The following BACH1 variants were observed in gnomAD, a reference collection of about 807,000 sequenced individuals.
The protein encoded by BACH1 is transcription regulator protein BACH1.
In BACH1, 35 loss-of-function variants were observed where a neutral mutation model predicts 52.9. The observed-to-expected ratio is 0.66, with a 90% CI of 0.51 to 0.88. BACH1 has a LOEUF of 0.88. Among genes scored for constraint, BACH1 ranks in the 40% least tolerant of loss-of-function variants. The pLI is 0.00. For synonymous variants in BACH1, 321 were observed against 319.6 expected (o/e 1.00, Z -0.05); for missense variants, 808 against 872.6 (o/e 0.93, Z 0.93).
downstream of BACH1, among the ~76,000 whole-genome samples, chr21:29,347,194 C>G (rs938910420): frequency 3.3e-5 from 5 of 152,184 alleles, no homozygotes. Flanking sequence ...TGGAACCCAG[C>G]TTGGAACCAT....
In BACH1 at chr21:29,327,052, A is replaced by G. The variant is rs757547391; in HGVS notation, c.1228A>G (p.Thr410Ala). 13 of 1,613,982 alleles carry G rather than the reference A, an allele frequency of 8.1e-6. No individual in the cohort carries two copies. Among genetic ancestry groups the G allele is most frequent in the Non-Finnish European group, 8.5e-7 (1 of 1,180,034 alleles). Residue 410 changes from threonine (T) to alanine (A), a missense_variant, in exon 3 of 5, where the codon ACT becomes GCT. Physicochemically the swap from Thr to Ala is moderately conservative, Grantham distance 58. Coordinates refer to ENST00000286800, the MANE Select transcript of BACH1 (RefSeq NM_001186.4). The part of the protein sequence containing the change: ...GFWSDICSTD[T>A]PCQMQLSPAV... ...CTGGAGTGACATTTGCAGCACGGAC[A>G]CTCCTTGCCAAATGCAGTTATCACC...
intron 1 of BACH1, among the ~76,000 whole-genome samples, chr21:29,311,033 A>G (rs116359281): frequency 0.02 from 3,030 of 152,314 alleles, 85 homozygotes; most frequent in African/African-American, 0.069. Flanking sequence ...TGGAAGTTCA[A>G]TAGATTTCAT....
At chr21:29,320,172 A>G (rs1335714378) in intron 1 of BACH1, among the ~76,000 whole-genome samples, 1 of 152,174 alleles carries the variant, frequency 6.6e-6, no homozygotes, top group Non-Finnish European at 1.5e-5. Context: ...GACCATTTGA[A>G]GGCTTCCCAT....
At chr21:29,329,464 G>A in intron 3 of BACH1, 23 bp from the exon 4 acceptor site, 1 of 1,462,384 alleles carries the variant, frequency 6.8e-7, no homozygotes, top group Non-Finnish European at 9.2e-7. Context: ...GCAATAATTA[G>A]TAATATTTAT....
At chr21:29,303,743 T>C (rs578238397) in intron 1 of BACH1, among the ~76,000 whole-genome samples, 1 of 152,384 alleles carries the variant, frequency 6.6e-6, no homozygotes, top group South Asian at 2.1e-4. Context: ...AAATGTCTTA[T>C]ATGTCTAATA....
At chr21:29,330,459 G>A (rs2088967697) in intron 4 of BACH1, among the ~76,000 whole-genome samples, 1 of 152,168 alleles carries the variant, frequency 6.6e-6, no homozygotes. Flanking sequence ...TCAGGCATGA[G>A]CCACCGTGCC....
At chr21:29,353,049 A>G (rs2089212774) in intron 2 of BACH1, among the ~76,000 whole-genome samples, 2 of 151,788 alleles carry the variant, frequency 1.3e-5, no homozygotes, top group South Asian at 2.1e-4. Flanking sequence ...GGGTTTCACT[A>G]TGTTTGCCAG....
chr21:29,326,290 A>G lies in BACH1; in HGVS notation c.466A>G (p.Lys156Glu), dbSNP rs770670354. 1.4e-5 allele frequency: 22 copies of G among 1,614,096 alleles called. No individual in the cohort carries two copies. In the East Asian group the frequency reaches 4.7e-4, roughly 34 times the overall value. Residue 156 changes from lysine (K) to glutamate (E), a missense_variant, in exon 3 of 5, where the codon AAA becomes GAA. Physicochemically the swap from Lys to Glu is moderately conservative, Grantham distance 56 (BLOSUM62 1). Transcript: ENST00000286800. ...FSSHCQKTDLKLSLLDQRDLE... is the reference protein window; with the variant it reads ...FSSHCQKTDLELSLLDQRDLE... ...ATCACACTGTCAGAAAACAGACCTT[A>G]AACTTTCACTTTTGGACCAGAGGGA...
At chr21:29,332,714 A>T (rs79609035) in intron 4 of BACH1, among the ~76,000 whole-genome samples, 2,256 of 152,324 alleles carry the variant, frequency 0.015, 68 homozygotes, top group East Asian at 0.12. Context: ...CAATGCCTGA[A>T]TAATTTCACT....
chr21:29,355,095 G>A (rs1022524003), intron 2 of BACH1, among the ~76,000 whole-genome samples: 2 of 152,218 alleles, frequency 1.3e-5, no homozygotes, highest in Admixed American at 1.3e-4. Context: ...GGGGTGGCCA[G>A]CTTTTATTCC....
At chr21:29,311,474 C>A (rs987159531) in intron 1 of BACH1, among the ~76,000 whole-genome samples, 3 of 111,394 alleles carry the variant, frequency 2.7e-5, no homozygotes, top group African/African-American at 1.1e-4. Context: ...CTGCACCTCA[C>A]CCCCTAATTC....
downstream of BACH1, among the ~76,000 whole-genome samples, chr21:29,349,956 T>A (rs2089192766): frequency 6.6e-6 from 1 of 152,108 alleles, no homozygotes; most frequent in African/African-American, 2.4e-5. Flanking sequence ...TCTGAAGTCC[T>A]TGCGCCTTTC....
chr21:29,299,383 C>A (rs1010151756), intron 1 of BACH1: 3 of 152,496 alleles, frequency 2.0e-5, no homozygotes, highest in African/African-American at 7.2e-5. Context: ...CCGTATTGTC[C>A]TCCGCCGCCT....
intron 2 of BACH1, among the ~76,000 whole-genome samples, chr21:29,355,456 C>T (rs1470021856): frequency 6.6e-6 from 1 of 152,216 alleles, no homozygotes; most frequent in Admixed American, 6.5e-5. Flanking sequence ...CAGCTGGCTT[C>T]ACCTCTCAAT....
chr21:29,308,055 A>G (rs962187037), intron 1 of BACH1, among the ~76,000 whole-genome samples: 4 of 152,324 alleles, frequency 2.6e-5, no homozygotes, highest in Admixed American at 2.0e-4. Context: ...GATAAATGCA[A>G]TAGTATTTCC....
chr21:29,332,984 C>G (rs2089002867), intron 4 of BACH1, among the ~76,000 whole-genome samples: 1 of 151,796 alleles, frequency 6.6e-6, no homozygotes, highest in African/African-American at 2.4e-5. Flanking sequence ...CAGAGTGACT[C>G]ATTTGTGTTT....
intron 1 of BACH1, among the ~76,000 whole-genome samples, chr21:29,299,229 C>T (rs2088574598): frequency 6.6e-6 from 1 of 151,664 alleles, no homozygotes; most frequent in Non-Finnish European, 1.5e-5. Context: ...CCCGCGCGCG[C>T]CGTACTTTAC....
chr21:29,334,968 T>G (rs2089027560), intron 4 of BACH1, among the ~76,000 whole-genome samples: 2 of 152,190 alleles, frequency 1.3e-5, no homozygotes, highest in Non-Finnish European at 1.5e-5. Flanking sequence ...TGAAATGTGG[T>G]GTGTGTCCCA....
intron 1 of BACH1, among the ~76,000 whole-genome samples, chr21:29,305,930 C>CT (rs1156514579): frequency 6.6e-6 from 1 of 152,172 alleles, no homozygotes; most frequent in Non-Finnish European, 1.5e-5. Flanking sequence ...AAGTTACAGT[C>CT]TAATAGACAG....
Sources: allele counts gnomAD v4.1 joint callset (sites outside exome capture counted in the v4.1 genomes callset), GRCh38; gene constraint gnomAD v4.1.1; transcripts MANE v1.5; gene names NCBI Gene and HGNC (gene_info 2026-07-23, HGNC 2026-07-21).